Variants in RBFOX1 observed in about 807,000 individuals in gnomAD.
RBFOX1 encodes RNA binding fox-1 homolog 1, also known as RNA binding protein fox-1 homolog 1.
In RBFOX1, 8 loss-of-function variants were observed where a neutral mutation model predicts 57.7. The ratio of observed to expected loss-of-function variants is 0.14; its 90% CI spans 0.08 to 0.25. The LOEUF (loss-of-function observed/expected upper bound fraction) is 0.25. Among genes scored for constraint, RBFOX1 ranks in the 10% least tolerant of loss-of-function variants. The pLI is 1.00. For synonymous variants in RBFOX1, 326 were observed against 222.4 expected (o/e 1.47, Z -4.15); for missense variants, 611 against 548.5 (o/e 1.11, Z -1.14).
intron 3 of RBFOX1, among the ~76,000 whole-genome samples, chr16:5,863,807 C>G (rs1056949220): frequency 2.6e-5 from 4 of 152,166 alleles, no homozygotes; most frequent in African/African-American, 9.7e-5. Flanking sequence ...CTACTGTGCC[C>G]TCATATGTGA....
At chr16:7,687,691 G>A (rs558454569) in intron 14 of RBFOX1, among the ~76,000 whole-genome samples, 3 of 152,016 alleles carry the variant, frequency 2.0e-5, no homozygotes, top group African/African-American at 7.2e-5. Context: ...AACCTGGTAA[G>A]CATGATTATA....
intron 1 of RBFOX1, among the ~76,000 whole-genome samples, chr16:6,277,015 C>T (rs2075869218): frequency 1.3e-5 from 2 of 152,102 alleles, no homozygotes; most frequent in Admixed American, 6.5e-5. Context: ...AATAGACCTA[C>T]CTGGTTAAAT....
At chr16:6,635,087 CATATATATTAT>C (rs1567974349) in intron 2 of RBFOX1, among the ~76,000 whole-genome samples, 1 of 136,038 alleles carries the variant, frequency 7.4e-6, no homozygotes, top group East Asian at 2.1e-4. Flanking sequence ...ATTTATATAT[CATATATATTAT>C]ATATAAAGTA....
At chr16:7,044,627 C>A (rs1227090282) in intron 3 of RBFOX1, among the ~76,000 whole-genome samples, 1 of 152,098 alleles carries the variant, frequency 6.6e-6, no homozygotes. Context: ...AAAGGAACAG[C>A]GCCCGACCTT....
intron 2 of RBFOX1, among the ~76,000 whole-genome samples, chr16:5,557,297 AT>A (rs1567227800): frequency 6.9e-6 from 1 of 144,294 alleles, no homozygotes; most frequent in Non-Finnish European, 1.6e-5. Context: ...AAATAAATAA[AT>A]AAATAAAAAT....
rs138726906 is a variant in RBFOX1 at position 7,317,123 on chromosome 16, A to C, written c.28-201024A>C. Among the ~76,000 whole-genome samples the C allele has an allele frequency of 2.2e-4, 33 of 152,194 alleles. No homozygotes were observed. The East Asian group carries it at 5.4e-3, about 25-fold the overall frequency. On this transcript the variant is annotated intron_variant, in intron 4 of 15. Coordinates refer to ENST00000550418, the MANE Select transcript of RBFOX1 (RefSeq NM_018723.4). ...AAAGCTGAGGACGGGGGTGTCAAGT[A>C]GGAAGTCACTGCGATACTACTGGTG...
intron 3 of RBFOX1, among the ~76,000 whole-genome samples, chr16:6,931,696 G>C (rs537523422): frequency 6.6e-6 from 1 of 152,312 alleles, no homozygotes; most frequent in Admixed American, 6.5e-5. Context: ...AAGTCAGACA[G>C]TTTCTAGTTG....
At chr16:7,141,619 T>C (rs1443479980) in intron 4 of RBFOX1, among the ~76,000 whole-genome samples, 1 of 152,226 alleles carries the variant, frequency 6.6e-6, no homozygotes, top group Admixed American at 6.5e-5. Flanking sequence ...TTCATTAACA[T>C]ATTAATGCCA....
chr16:6,859,187 A>ATACGTATATATATACG (rs2058556499), intron 3 of RBFOX1, among the ~76,000 whole-genome samples: 7 of 64,008 alleles, frequency 1.1e-4, no homozygotes, highest in African/African-American at 5.3e-4. Flanking sequence ...ATATATATGT[A>ATACGTATATATATACG]TATATATATG....
chr16:6,360,593 G>C (rs968493389), intron 2 of RBFOX1, among the ~76,000 whole-genome samples: 2 of 152,176 alleles, frequency 1.3e-5, no homozygotes, highest in East Asian at 3.8e-4. Context: ...TTATTATGGA[G>C]CTGTAACACT....
At chr16:5,511,795 A>T (rs991437911) in intron 2 of RBFOX1, among the ~76,000 whole-genome samples, 1 of 152,156 alleles carries the variant, frequency 6.6e-6, no homozygotes, top group Non-Finnish European at 1.5e-5. Flanking sequence ...GAATGTAACT[A>T]TGTCCCCAAA....
chr16:7,296,903 G>C (rs1281885114), intron 4 of RBFOX1, among the ~76,000 whole-genome samples: 2 of 152,166 alleles, frequency 1.3e-5, no homozygotes, highest in Non-Finnish European at 2.9e-5. Flanking sequence ...TGAGTCCTGT[G>C]TTTCTGTTTA....
At chr16:7,476,738 T>C (rs576857321) in intron 4 of RBFOX1, among the ~76,000 whole-genome samples, 1 of 152,308 alleles carries the variant, frequency 6.6e-6, no homozygotes, top group South Asian at 2.1e-4. Flanking sequence ...TCTGTATCCT[T>C]GCAAATCTGT....
chr16:5,434,905 TAA>T (rs5815247), intron 1 of RBFOX1, among the ~76,000 whole-genome samples: 24 of 151,458 alleles, frequency 1.6e-4, no homozygotes, highest in South Asian at 6.3e-4. Flanking sequence ...AAAGGTAAGA[TAA>T]AAAAAAAAAT....
At chr16:7,339,043 A>G (rs1298182672) in intron 4 of RBFOX1, among the ~76,000 whole-genome samples, 1 of 152,184 alleles carries the variant, frequency 6.6e-6, no homozygotes, top group African/African-American at 2.4e-5. Flanking sequence ...ACAGCGGACT[A>G]AATTAAAGAG....
At chr16:7,269,777 A>G (rs191938402) in intron 4 of RBFOX1, among the ~76,000 whole-genome samples, 29 of 152,338 alleles carry the variant, frequency 1.9e-4, no homozygotes, top group African/African-American at 6.0e-4. Context: ...AATGCTAAAA[A>G]GTATTGTGTC....
At chr16:7,287,888 A>G (rs1445085710) in intron 4 of RBFOX1, among the ~76,000 whole-genome samples, 1 of 152,126 alleles carries the variant, frequency 6.6e-6, no homozygotes, top group Non-Finnish European at 1.5e-5. Flanking sequence ...TCTGCTTCTT[A>G]AGCTGTTTTT....
At chr16:7,531,540 G>A (rs1406816252) in intron 5 of RBFOX1, among the ~76,000 whole-genome samples, 3 of 152,142 alleles carry the variant, frequency 2.0e-5, no homozygotes, top group Admixed American at 6.5e-5. Context: ...GGATTCAAAG[G>A]CAGCCACGGT....
chr16:6,928,317 G>A (rs2075971747), intron 3 of RBFOX1, among the ~76,000 whole-genome samples: 1 of 152,160 alleles, frequency 6.6e-6, no homozygotes, highest in East Asian at 1.9e-4. Context: ...GGACAAAGGC[G>A]ATCTGGAGGA....
Sources: allele counts gnomAD v4.1 joint callset (sites outside exome capture counted in the v4.1 genomes callset), GRCh38; gene constraint gnomAD v4.1.1; transcripts MANE v1.5; gene names NCBI Gene and HGNC (gene_info 2026-07-23, HGNC 2026-07-21).